The following SPOCK1 variants were observed in gnomAD, a reference collection of about 807,000 sequenced individuals.
SPOCK1 encodes SPARC (osteonectin), cwcv and kazal like domains proteoglycan 1, also known as testican-1.
In SPOCK1, 23 loss-of-function variants were observed where a neutral mutation model predicts 55.3. The observed-to-expected ratio is 0.42, with a 90% CI of 0.30 to 0.59. The LOEUF is 0.59. SPOCK1 is among the 20% of genes least tolerant of loss of function. The probability of loss-of-function intolerance (pLI) is 0.22; values close to 1 mark genes in which losing one functional copy is unlikely to be tolerated. For synonymous variants in SPOCK1, 226 were observed against 221.0 expected (o/e 1.02, Z -0.20); for missense variants, 499 against 552.5 (o/e 0.90, Z 0.97).
At chr5:137,035,982 G>A (rs2126988451) in intron 6 of SPOCK1, among the ~76,000 whole-genome samples, 1 of 152,248 alleles carries the variant, frequency 6.6e-6, no homozygotes, top group Non-Finnish European at 1.5e-5. Flanking sequence ...TCCCCACAAG[G>A]ATGAGAGTGA....
intron 3 of SPOCK1, among the ~76,000 whole-genome samples, chr5:137,201,920 T>G (rs1195027094): frequency 6.6e-6 from 1 of 152,170 alleles, no homozygotes; most frequent in Non-Finnish European, 1.5e-5. Context: ...AAATGCACAT[T>G]GAAACTGCAC....
intron 5 of SPOCK1, among the ~76,000 whole-genome samples, chr5:137,109,704 A>G (rs1011780745): frequency 9.2e-5 from 14 of 152,006 alleles, no homozygotes; most frequent in African/African-American, 3.4e-4. Context: ...TGGTTCTTCA[A>G]ACACCTCACA....
Position 137,370,323 on chromosome 5 carries a change from G to A in SPOCK1, c.187-103268C>T, listed in dbSNP as rs143064925. Among the ~76,000 whole-genome samples the A allele has an allele frequency of 6.6e-5, 10 of 152,292 alleles. No individual in the cohort carries two copies. In the South Asian group the frequency reaches 8.3e-4, roughly 13 times the overall value. ...ACGATCAGACAGTCACACGCCGACC[G>A]AGTCCGGTGATTTTCCACCTCTTAA... On this transcript the variant is annotated intron_variant, in intron 2 of 10. Coordinates refer to ENST00000394945, the MANE Select transcript of SPOCK1 (RefSeq NM_004598.4).
At chr5:137,192,314 C>A (rs1257617063) in intron 3 of SPOCK1, among the ~76,000 whole-genome samples, 1 of 150,792 alleles carries the variant, frequency 6.6e-6, no homozygotes, top group Non-Finnish European at 1.5e-5. Flanking sequence ...CATGGAGAGA[C>A]GGAGGGAGGA....
At position 137,165,531 on chromosome 5, in the gene SPOCK1, T is replaced by A. The variant is rs184194780; in HGVS notation, c.233-24837A>T. 2.0e-3 allele frequency among the ~76,000 whole-genome samples: 310 copies of A among 152,218 alleles called. 1 individual carries two copies. The highest frequency in any genetic ancestry group is 7.1e-3 in the African/African-American group (296 of 41,556). On this transcript the variant is annotated intron_variant, in intron 3 of 10. Transcript: ENST00000394945. ...CACAGATGGACATCTACAATTATCA[T>A]GATGATCCAGGAAAACACGACCTTA...
chr5:137,012,167 C>T (rs1245544836), intron 6 of SPOCK1, among the ~76,000 whole-genome samples: 1 of 152,096 alleles, frequency 6.6e-6, no homozygotes, highest in Non-Finnish European at 1.5e-5. Flanking sequence ...GATTTTAATT[C>T]ATATCCTTTT....
chr5:137,137,882 T>C (rs532414122), intron 4 of SPOCK1, among the ~76,000 whole-genome samples: 8 of 152,302 alleles, frequency 5.3e-5, no homozygotes, highest in Admixed American at 4.6e-4. Flanking sequence ...ATTATCATAA[T>C]TGTCTCAGTA....
At chr5:137,127,264 A>G (rs968958557) in intron 4 of SPOCK1, among the ~76,000 whole-genome samples, 8 of 152,262 alleles carry the variant, frequency 5.3e-5, no homozygotes, top group South Asian at 4.1e-4. Context: ...CAAGAGCCAC[A>G]GTGAGTACTA....
intron 2 of SPOCK1, among the ~76,000 whole-genome samples, chr5:137,323,720 GA>G (rs972564580): frequency 6.6e-5 from 10 of 151,784 alleles, no homozygotes; most frequent in African/African-American, 1.5e-4. Context: ...ACATGTATGG[GA>G]AAAAAAATAC....
chr5:137,282,290 G>A (rs1169072419), intron 2 of SPOCK1, among the ~76,000 whole-genome samples: 3 of 152,234 alleles, frequency 2.0e-5, no homozygotes, highest in Non-Finnish European at 2.9e-5. Flanking sequence ...TCAAATCTGG[G>A]TGATAGCTGC....
At chr5:137,016,416 G>T (rs558621319) in intron 6 of SPOCK1, among the ~76,000 whole-genome samples, 37 of 152,282 alleles carry the variant, frequency 2.4e-4, no homozygotes, top group South Asian at 1.9e-3. Context: ...AGAACTCTTT[G>T]CAAGTGAGGA....
At position 137,293,089 on chromosome 5, in the gene SPOCK1, A is replaced by ATTTTTTTTTTTTTTT. The variant is rs531537488; in HGVS notation, c.187-26049_187-26035dup. Among the ~76,000 whole-genome samples, 7 of 100,826 alleles carry ATTTTTTTTTTTTTTT rather than the reference A, an allele frequency of 6.9e-5. No homozygotes were observed. In the East Asian group the frequency reaches 8.3e-4, roughly 12 times the overall value. The allele number at this position is 100,826 out of a possible 152,430, so 66.1% of individuals were successfully genotyped here. A position where few individuals can be genotyped will look rare whatever the true frequency, so the allele number is the denominator to read the frequency against. ...TTCAATTCTGCAGTTGGTTTGTTGA[A>ATTTTTTTTTTTTTTT]TTTTTTTTTTTTTTTTTTTTTTTTT... On this transcript the variant is annotated intron_variant, in intron 2 of 10. Transcript: ENST00000394945.
chr5:137,206,446 C>T (rs1194906237), intron 3 of SPOCK1, among the ~76,000 whole-genome samples: 2 of 152,184 alleles, frequency 1.3e-5, no homozygotes, highest in African/African-American at 2.4e-5. Flanking sequence ...TATGAAAAAG[C>T]CAACAAGGTG....
chr5:137,229,067 G>C (rs891513075), intron 3 of SPOCK1, among the ~76,000 whole-genome samples: 5 of 152,152 alleles, frequency 3.3e-5, no homozygotes, highest in Admixed American at 2.0e-4. Flanking sequence ...TTTGTGGTCA[G>C]ACTGCAGCTG....
In SPOCK1 at chr5:137,480,303, TCACACACACACA is replaced by T. The variant is rs6149262; in HGVS notation, c.186+18058_186+18069del. Among the ~76,000 whole-genome samples the T allele has an allele frequency of 2.2e-4, 31 of 140,218 alleles. 1 individual carries two copies. Among genetic ancestry groups the T allele is most frequent in the South Asian group, 7.4e-4 (3 of 4,038 alleles). 92.0% of individuals were successfully genotyped at this position (140,218 alleles called of 152,430 possible). A position where few individuals can be genotyped will look rare whatever the true frequency, so the allele number is the denominator to read the frequency against. On this transcript the variant is annotated intron_variant, in intron 2 of 10. Transcript: ENST00000394945. ...CTGCAGCTGTTCACGTTGCTCTCCT[TCACACACACACA>T]CACACACACACACACACACACACAC...
At chr5:137,073,493 G>A (rs567404064) in intron 5 of SPOCK1, among the ~76,000 whole-genome samples, 13 of 152,224 alleles carry the variant, frequency 8.5e-5, no homozygotes, top group East Asian at 1.9e-4. Context: ...TGAGGAGAGC[G>A]GGAAGGACCA....
At chr5:137,299,589 G>A (rs915884398) in intron 2 of SPOCK1, among the ~76,000 whole-genome samples, 1 of 151,778 alleles carries the variant, frequency 6.6e-6, no homozygotes, top group Non-Finnish European at 1.5e-5. Flanking sequence ...TAGTTTTGCT[G>A]GTGAAAAATT....
chr5:137,490,027 C>T (rs757211104), intron 2 of SPOCK1, among the ~76,000 whole-genome samples: 6 of 152,234 alleles, frequency 3.9e-5, no homozygotes, highest in Non-Finnish European at 7.3e-5. Context: ...TGTTTGTCTA[C>T]CATACTAGAC....
intron 6 of SPOCK1, among the ~76,000 whole-genome samples, chr5:136,995,394 T>A (rs552873500): frequency 2.0e-5 from 3 of 152,286 alleles, no homozygotes; most frequent in South Asian, 4.1e-4. Flanking sequence ...CCAAGGCAGA[T>A]CCTCAGGAGC....
Sources: allele counts gnomAD v4.1 joint callset (sites outside exome capture counted in the v4.1 genomes callset), GRCh38; gene constraint gnomAD v4.1.1; transcripts MANE v1.5; gene names NCBI Gene and HGNC (gene_info 2026-07-23, HGNC 2026-07-21).